Variants in CDK14 observed in about 807,000 individuals in gnomAD.
The protein encoded by CDK14 is cyclin-dependent kinase 14.
A neutral mutation model predicts 60.7 loss-of-function variants in CDK14; 34 were observed. The ratio of observed to expected loss-of-function variants is 0.56; its 90% CI spans 0.43 to 0.75. The LOEUF is 0.75. Among genes scored for constraint, CDK14 ranks in the 30% least tolerant of loss-of-function variants. CDK14 has a pLI of 0.00. For missense variants in CDK14, 482 were observed against 564.1 expected, an observed-to-expected ratio of 0.85 and a Z score of 1.47; for synonymous variants, 197 against 203.7, an observed-to-expected ratio of 0.97 and a Z score of 0.28.
intron 2 of CDK14, among the ~76,000 whole-genome samples, chr7:90,665,711 C>T (rs1332493084): frequency 6.6e-6 from 1 of 152,144 alleles, no homozygotes; most frequent in Admixed American, 6.5e-5. Flanking sequence ...GTATGTAATA[C>T]AGGAGAACTA....
intron 10 of CDK14, among the ~76,000 whole-genome samples, chr7:91,020,990 T>G (rs1261064390): frequency 6.6e-6 from 1 of 152,218 alleles, no homozygotes. Context: ...CAGGCTGTTC[T>G]CAGCTCCTGG....
intron 2 of CDK14, among the ~76,000 whole-genome samples, chr7:90,720,195 T>C (rs1472363269): frequency 6.6e-6 from 1 of 152,186 alleles, no homozygotes; most frequent in Non-Finnish European, 1.5e-5. Flanking sequence ...GTCTAAGGTA[T>C]GCAAAATATT....
chr7:91,119,317 C>CA (rs1799712836), intron 14 of CDK14, among the ~76,000 whole-genome samples: 1 of 151,974 alleles, frequency 6.6e-6, no homozygotes, highest in Admixed American at 6.6e-5. Flanking sequence ...CGTATCTCTA[C>CA]AAAAAATACA....
intron 6 of CDK14, among the ~76,000 whole-genome samples, chr7:90,895,424 T>C (rs1339601145): frequency 1.5e-4 from 3 of 19,850 alleles, no homozygotes; most frequent in African/African-American, 4.4e-4. Flanking sequence ...TCCTCTCCTC[T>C]CCTCTCCTCT....
At chr7:91,059,804 T>C (rs1291004981) in intron 11 of CDK14, among the ~76,000 whole-genome samples, 3 of 152,088 alleles carry the variant, frequency 2.0e-5, no homozygotes, top group Non-Finnish European at 4.4e-5. Flanking sequence ...TTACATTTGC[T>C]GAGGAGTGCT....
intron 10 of CDK14, among the ~76,000 whole-genome samples, chr7:91,009,877 C>T (rs1016273728): frequency 7.9e-5 from 12 of 152,180 alleles, no homozygotes; most frequent in African/African-American, 2.6e-4. Flanking sequence ...CAAAGATTTT[C>T]TTCTGTTTTC....
At chr7:90,757,040 A>G (rs1319589856) in intron 4 of CDK14, among the ~76,000 whole-genome samples, 1 of 152,204 alleles carries the variant, frequency 6.6e-6, no homozygotes, top group Non-Finnish European at 1.5e-5. Context: ...TCTAGAGGCT[A>G]GAAGTCTGAA....
intron 14 of CDK14, among the ~76,000 whole-genome samples, chr7:91,136,158 C>A (rs12112977): frequency 5.3e-5 from 8 of 152,122 alleles, no homozygotes; most frequent in African/African-American, 1.9e-4. Context: ...TCTTAGCACC[C>A]GACCAGCCTT....
intron 3 of CDK14, among the ~76,000 whole-genome samples, chr7:90,730,789 C>T (rs1238335157): frequency 6.6e-6 from 1 of 152,142 alleles, no homozygotes; most frequent in Non-Finnish European, 1.5e-5. Flanking sequence ...AAAATTTTCT[C>T]CCATTCTGGA....
At chr7:91,113,237 T>C (rs756366244) in intron 13 of CDK14, among the ~76,000 whole-genome samples, 2 of 152,220 alleles carry the variant, frequency 1.3e-5, no homozygotes, top group East Asian at 1.9e-4. Context: ...GAGTTGGCAA[T>C]TGGCTAATGC....
chr7:90,709,753 C>A, intron 2 of CDK14: 1 of 1,409,576 alleles, frequency 7.1e-7, no homozygotes, highest in South Asian at 1.6e-5. Context: ...ATTAGCTTCT[C>A]TTAGGGGATT....
chr7:90,669,443 T>C (rs755381228), intron 2 of CDK14, among the ~76,000 whole-genome samples: 9 of 152,118 alleles, frequency 5.9e-5, no homozygotes, highest in Non-Finnish European at 1.3e-4. Flanking sequence ...GGAGCTACAG[T>C]GGTTGTTTCA....
chr7:90,919,928 A>G (rs557271092), intron 8 of CDK14, among the ~76,000 whole-genome samples: 7 of 152,358 alleles, frequency 4.6e-5, no homozygotes, highest in African/African-American at 1.7e-4. Flanking sequence ...GTGCAGAAGG[A>G]TCGTGCCCAT....
intron 10 of CDK14, among the ~76,000 whole-genome samples, chr7:91,000,476 A>G (rs958841987): frequency 6.6e-6 from 1 of 152,222 alleles, no homozygotes; most frequent in Non-Finnish European, 1.5e-5. Context: ...GCCACACCAT[A>G]TGTTTATAAC....
intron 14 of CDK14, among the ~76,000 whole-genome samples, chr7:91,185,017 G>C (rs937375542): frequency 2.0e-5 from 3 of 151,136 alleles, no homozygotes; most frequent in East Asian, 1.9e-4. Flanking sequence ...CATACATTGC[G>C]AGTGGTAGCC....
chr7:91,186,473 A>G (rs574391058), intron 14 of CDK14, among the ~76,000 whole-genome samples: 66 of 151,686 alleles, frequency 4.4e-4, no homozygotes, highest in Non-Finnish European at 8.1e-4. Flanking sequence ...CACCAGCAAC[A>G]TACAAGGATC....
At chr7:90,943,279 A>T (rs1365613064) in intron 8 of CDK14, among the ~76,000 whole-genome samples, 1 of 152,172 alleles carries the variant, frequency 6.6e-6, no homozygotes, top group Non-Finnish European at 1.5e-5. Context: ...GAGTGGTGGT[A>T]AAAAATTGAG....
At chr7:90,838,053 G>T (rs750410102) in intron 5 of CDK14, among the ~76,000 whole-genome samples, 14 of 152,122 alleles carry the variant, frequency 9.2e-5, no homozygotes, top group Non-Finnish European at 1.9e-4. Flanking sequence ...TATGACGGTG[G>T]TCGAGTGTTG....
chr7:91,057,734 C>G (rs1797628611), intron 11 of CDK14, among the ~76,000 whole-genome samples: 1 of 152,142 alleles, frequency 6.6e-6, no homozygotes, highest in Admixed American at 6.5e-5. Flanking sequence ...GACATTATTT[C>G]TGAGGGCTCT....
Sources: allele counts gnomAD v4.1 joint callset (sites outside exome capture counted in the v4.1 genomes callset), GRCh38; gene constraint gnomAD v4.1.1; transcripts MANE v1.5; gene names NCBI Gene and HGNC (gene_info 2026-07-23, HGNC 2026-07-21).